The following ZNF800 variants were observed in gnomAD, a reference collection of about 807,000 sequenced individuals.
The protein encoded by ZNF800 is zinc finger protein 800.
In ZNF800, 13 loss-of-function variants were observed where a neutral mutation model predicts 59.5. That is an observed-to-expected ratio of 0.22 (90% CI 0.14 to 0.35). The LOEUF (loss-of-function observed/expected upper bound fraction) is 0.35. ZNF800 is among the 10% of genes least tolerant of loss of function. The pLI, the probability that ZNF800 is intolerant of heterozygous loss-of-function variation, is 1.00. For synonymous variants in ZNF800, 266 were observed against 265.7 expected, an observed-to-expected ratio of 1.00 and a Z score of -0.01; for missense variants, 621 against 783.7, an observed-to-expected ratio of 0.79 and a Z score of 2.48.
At chr7:127,367,944 C>T (rs965156255), downstream of ZNF800, among the ~76,000 whole-genome samples, 1 of 151,956 alleles carries the variant, frequency 6.6e-6, no homozygotes, top group African/African-American at 2.4e-5. Context: ...ATGCTAGGTC[C>T]CTTTTTGTTT....
chr7:127,392,536 G>C lies in ZNF800; in HGVS notation c.-535C>G, dbSNP rs940307810. ...AGGAGAGGGGCGGAGAAAAATGGGG[G>C]TCTCCCCCAACCTTGGGCCTTTTCG... On this transcript the variant is annotated 5_prime_UTR_variant, in exon 1 of 6. Transcript: ENST00000265827. The C allele has an allele frequency of 6.2e-5, 19 of 306,314 alleles. No homozygotes were observed. Among genetic ancestry groups the C allele is most frequent in the Non-Finnish European group, 1.0e-4 (17 of 166,922 alleles). The allele number at this position is 306,314 out of a possible 1,614,324, so 19.0% of individuals were successfully genotyped here.
chr7:127,346,423 G>A (rs1359861968), downstream of ZNF800, among the ~76,000 whole-genome samples: 3 of 152,166 alleles, frequency 2.0e-5, no homozygotes, highest in Non-Finnish European at 4.4e-5. Flanking sequence ...GCCCATGGAA[G>A]GCAGATGGTA....
At chr7:127,375,055 T>C (rs573924478) in intron 4 of ZNF800, 21 bp from the exon 5 acceptor site, 10 of 1,518,812 alleles carry the variant, frequency 6.6e-6, no homozygotes, top group Non-Finnish European at 8.8e-6. Flanking sequence ...AAAAACAACA[T>C]TTTAATCTGA....
intron 3 of ZNF800, among the ~76,000 whole-genome samples, chr7:127,379,904 G>C (rs1013160794): frequency 7.5e-6 from 1 of 132,660 alleles, no homozygotes; most frequent in Non-Finnish European, 1.5e-5. Context: ...GAGAGAGAGC[G>C]CAAGTGTGTG....
At chr7:127,345,292 T>C (rs1301427631), downstream of ZNF800, among the ~76,000 whole-genome samples, 4 of 138,030 alleles carry the variant, frequency 2.9e-5, no homozygotes, top group African/African-American at 1.1e-4. Flanking sequence ...GTATGGGAAA[T>C]AGACCCCCCC....
intron 1 of ZNF800, among the ~76,000 whole-genome samples, chr7:127,355,591 T>A (rs367617176): frequency 6.6e-6 from 1 of 152,016 alleles, no homozygotes; most frequent in African/African-American, 2.4e-5. Context: ...GTGGTGGTGG[T>A]AGCATGGATA....
intron 1 of ZNF800, among the ~76,000 whole-genome samples, chr7:127,358,915 C>T (rs1800338456): frequency 6.6e-6 from 1 of 152,048 alleles, no homozygotes; most frequent in African/African-American, 2.4e-5. Flanking sequence ...ACTTTTGATA[C>T]TGAACAAGCT....
chr7:127,374,014 T>C lies in ZNF800; in HGVS notation c.1322A>G (p.Lys441Arg). Residue 441 changes from lysine (K) to arginine (R), a missense_variant, in exon 5 of 6, where the codon AAG becomes AGG. Transcript: ENST00000265827. Reference sequence around the variant, plus strand: ...ATTTTTCTGTGCTGCCGGTGTGTTCTTTTTTTCATTTGAATGATTTGTTCC... The same window carrying C: ...ATTTTTCTGTGCTGCCGGTGTGTTCCTTTTTTCATTTGAATGATTTGTTCC... ...LKGTNHSNEK[K>R]NTPAAQKNKV... is the part of the protein sequence containing the mutation. The C allele has an allele frequency of 6.2e-7, 1 of 1,613,886 alleles. No homozygotes were observed. Among genetic ancestry groups the C allele is most frequent in the African/African-American group, 1.3e-5 (1 of 75,000 alleles).
chr7:127,389,651 C>T (rs541365393), intron 2 of ZNF800, among the ~76,000 whole-genome samples: 1 of 152,194 alleles, frequency 6.6e-6, no homozygotes, highest in Admixed American at 6.5e-5. Context: ...TCTATTTATC[C>T]ATTCAACAAA....
At position 127,358,209 on chromosome 7, in the gene ZNF800, A is replaced by G. The variant is rs529561045; in HGVS notation, n.225-10166T>C. Among the ~76,000 whole-genome samples the G allele has an allele frequency of 5.3e-5, 8 of 152,048 alleles. No homozygotes were observed. In the South Asian group the frequency reaches 8.3e-4, roughly 16 times the overall value. ...GGAAAAGTGTTCTTCTTCCTCCCGT[A>G]TTCTTTGCCTTGAAGAATGGTGCCA... On this transcript the variant is annotated intron_variant and non_coding_transcript_variant, in intron 1 of 1. Coordinates refer to the ZNF800 transcript ENST00000485577.
At chr7:127,354,392 T>C (rs1219966234) in intron 1 of ZNF800, among the ~76,000 whole-genome samples, 2 of 152,058 alleles carry the variant, frequency 1.3e-5, no homozygotes, top group Non-Finnish European at 2.9e-5. Flanking sequence ...AGTTGTTTAA[T>C]AATAATAGGC....
chr7:127,343,928 C>T (rs922296599), downstream of ZNF800, among the ~76,000 whole-genome samples: 3 of 151,944 alleles, frequency 2.0e-5, no homozygotes, highest in Non-Finnish European at 2.9e-5. Flanking sequence ...TGAACAACTT[C>T]TAATAAAATG....
At chr7:127,362,092 A>C (rs766557624) in intron 1 of ZNF800, 8 of 152,180 alleles carry the variant, frequency 5.3e-5, no homozygotes, top group Non-Finnish European at 1.2e-4. Context: ...TCCAAGGCCA[A>C]GCATAGAGAT....
In ZNF800 at chr7:127,373,204, T is replaced by G. The variant is rs1179346559; in HGVS notation, c.1994+138A>C. 2.1e-6 allele frequency: 3 copies of G among 1,458,702 alleles called. No homozygotes were observed. In the African/African-American group the frequency reaches 4.3e-5, roughly 21 times the overall value. 90.4% of individuals were successfully genotyped at this position (1,458,702 alleles called of 1,614,324 possible). On this transcript the variant is annotated intron_variant, in intron 5 of 5. Transcript: ENST00000265827. ...GAAGAGGTAAATGCAATATGCACAT[T>G]ACTCTTGCAGTTCCCATTGCCATGA...
rs1419421 is a variant in ZNF800 at position 127,377,640 on chromosome 7, A to G, written c.158-311T>C. On this transcript the variant is annotated intron_variant, in intron 3 of 5. Coordinates refer to ENST00000265827, the MANE Select transcript of ZNF800 (RefSeq NM_176814.5). The surrounding 1 kb of genome is among the most constrained non-coding windows in gnomAD (Gnocchi z 4.7). ...GGTTAATCATTACAATGAGCTGGGA[A>G]TAAAGATGTACACAGCCCTCCCCTA... Among the ~76,000 whole-genome samples, 17 of 151,944 alleles carry G rather than the reference A, an allele frequency of 1.1e-4. No individual in the cohort carries two copies. The highest frequency in any genetic ancestry group is 4.1e-4 in the African/African-American group (17 of 41,472).
At chr7:127,387,295 C>T (rs1307216738) in intron 2 of ZNF800, among the ~76,000 whole-genome samples, 1 of 152,126 alleles carries the variant, frequency 6.6e-6, no homozygotes, top group Admixed American at 6.5e-5. Flanking sequence ...TAATGTTCTA[C>T]TCAACTATGA....
chr7:127,343,068 T>C (rs1016332406), downstream of ZNF800, among the ~76,000 whole-genome samples: 4 of 152,070 alleles, frequency 2.6e-5, no homozygotes, highest in Non-Finnish European at 5.9e-5. Context: ...ACCAAAACTT[T>C]TGAGATGCAG....
intron 2 of ZNF800, among the ~76,000 whole-genome samples, chr7:127,387,658 CAAGACCAGCCTGGGCAAA>C (rs916521316): frequency 2.6e-5 from 4 of 152,140 alleles, no homozygotes; most frequent in African/African-American, 9.6e-5. Context: ...CCTAGAAGTT[CAAGACCAGCCTGGGCAAA>C]ATGGCAAGAC....
intron 1 of ZNF800, among the ~76,000 whole-genome samples, chr7:127,351,186 C>T (rs569141700): frequency 6.6e-6 from 1 of 152,212 alleles, no homozygotes; most frequent in Non-Finnish European, 1.5e-5. Context: ...TGATTCTGCA[C>T]TCCCCTTACA....
Sources: allele counts gnomAD v4.1 joint callset (sites outside exome capture counted in the v4.1 genomes callset), GRCh38; gene constraint gnomAD v4.1.1; non-coding constraint Gnocchi (gnomAD v3.1); transcripts MANE v1.5; gene names NCBI Gene and HGNC (gene_info 2026-07-23, HGNC 2026-07-21).